FBN2: variants seen among roughly 807,000 people sequenced by gnomAD.
FBN2 encodes fibrillin-2.
A neutral mutation model predicts 355.6 loss-of-function variants in FBN2; 105 were observed. That is an observed-to-expected ratio of 0.30 (90% confidence interval 0.25 to 0.35). FBN2 has a LOEUF of 0.35. Among genes scored for constraint, FBN2 ranks in the 10% least tolerant of loss-of-function variants. The pLI is 1.00. For missense variants in FBN2, 3,280 were observed against 3,758.7 expected, an observed-to-expected ratio of 0.87 and a Z score of 3.33; for synonymous variants, 1,350 against 1,301.2, an observed-to-expected ratio of 1.04 and a Z score of -0.81.
In FBN2 at chr5:128,537,298, TC is replaced by T. The variant is rs1006241543; in HGVS notation, c.254+51del. The T allele has an allele frequency of 8.1e-6, 13 of 1,601,712 alleles. No homozygotes were observed. In the Admixed American group the frequency reaches 1.0e-4, roughly 12 times the overall value. Reference sequence around the variant, plus strand: ...GCCAGAAAGCCGCCAAACTGAGGATTCCCCCCTCCCCCAAGCCGGAGCCCTA... The same window carrying T: ...GCCAGAAAGCCGCCAAACTGAGGATTCCCCCTCCCCCAAGCCGGAGCCCTA... On this transcript the variant is annotated intron_variant, in intron 1 of 64. Coordinates refer to ENST00000262464, the MANE Select transcript of FBN2 (RefSeq NM_001999.4).
chr5:128,296,131 G>A (rs1749502213), intron 48 of FBN2, among the ~76,000 whole-genome samples: 1 of 152,122 alleles, frequency 6.6e-6, no homozygotes, highest in Non-Finnish European at 1.5e-5. Flanking sequence ...TTATATGCTG[G>A]ATTACATTTG....
chr5:128,518,840 C>G (rs1756355285), intron 5 of FBN2, among the ~76,000 whole-genome samples: 2 of 152,142 alleles, frequency 1.3e-5, no homozygotes, highest in African/African-American at 4.8e-5. Flanking sequence ...GGCCCACTAG[C>G]TCGAGACTTT....
In FBN2 at chr5:128,309,274, AAGGTTTGTTCC is replaced by A. The variant is rs1237402656; in HGVS notation, c.5315_5325del (p.Trp1772LeufsTer2). The A allele has an allele frequency of 6.2e-7, 1 of 1,614,120 alleles. No homozygotes were observed. The highest frequency in any genetic ancestry group is 1.1e-5 in the South Asian group (1 of 91,086). On this transcript the variant is annotated frameshift_variant, in exon 41 of 65. Coordinates refer to ENST00000262464, the MANE Select transcript of FBN2 (RefSeq NM_001999.4). LOFTEE classifies it high-confidence loss of function. ...GTTCCTGGAGTTGGGCATGGTTCAC[AAGGTTTGTTCC>A]AGGCTTTGCCCACATTATATGTGCA... is the stretch of plus-strand genomic sequence containing the variant.
At chr5:128,345,669 G>T in intron 23 of FBN2, 85 bp from the exon 24 acceptor site, 1 of 1,223,474 alleles carries the variant, frequency 8.2e-7, no homozygotes, top group Non-Finnish European at 1.2e-6. Context: ...TCAGCACCAG[G>T]CATCATGCAG....
At chr5:128,398,890 T>G (rs1366045357) in intron 8 of FBN2, among the ~76,000 whole-genome samples, 3 of 152,232 alleles carry the variant, frequency 2.0e-5, no homozygotes, top group Non-Finnish European at 4.4e-5. Flanking sequence ...AGCTCTTCTC[T>G]GGTCTGCCAC....
At chr5:128,316,810 G>C (rs1012432819) in intron 36 of FBN2, among the ~76,000 whole-genome samples, 1 of 152,036 alleles carries the variant, frequency 6.6e-6, no homozygotes, top group African/African-American at 2.4e-5. Context: ...TCTCTTTTAT[G>C]AGCTGCCTGT....
intron 53 of FBN2, 84 bp from the exon 54 acceptor site, chr5:128,287,514 G>A (rs1749189104): frequency 1.4e-5 from 21 of 1,476,294 alleles, no homozygotes; most frequent in South Asian, 5.7e-5. Flanking sequence ...TTTACTTGGC[G>A]GTCATACACA....
chr5:128,312,166 A>G (rs1750074649), intron 37 of FBN2, among the ~76,000 whole-genome samples: 1 of 152,180 alleles, frequency 6.6e-6, no homozygotes, highest in African/African-American at 2.4e-5. Context: ...AACACGAACC[A>G]TTTGTTTTTA....
chr5:128,416,876 A>G (rs1049883657), intron 7 of FBN2, among the ~76,000 whole-genome samples: 1 of 152,052 alleles, frequency 6.6e-6, no homozygotes, highest in African/African-American at 2.4e-5. Context: ...TGTTTTTTCT[A>G]ATTCTGTGAA....
intron 61 of FBN2, among the ~76,000 whole-genome samples, chr5:128,273,231 G>A (rs1765308802): frequency 6.6e-6 from 1 of 152,118 alleles, no homozygotes; most frequent in Non-Finnish European, 1.5e-5. Context: ...AATATAAATA[G>A]TGAAGAACTA....
At chr5:128,290,265 GA>G (rs1417322322) in intron 50 of FBN2, among the ~76,000 whole-genome samples, 2 of 152,054 alleles carry the variant, frequency 1.3e-5, no homozygotes, top group Non-Finnish European at 2.9e-5. Flanking sequence ...AGTTTGCTGG[GA>G]ATTATCCTAT....
intron 6 of FBN2, among the ~76,000 whole-genome samples, chr5:128,455,666 A>G (rs574522595): frequency 1.7e-4 from 26 of 152,094 alleles, no homozygotes; most frequent in Admixed American, 1.6e-3. Context: ...AAGGATGAGT[A>G]GTGTGGTGCC....
At chr5:128,282,963 C>T (rs1561746683) in intron 55 of FBN2, among the ~76,000 whole-genome samples, 2 of 152,212 alleles carry the variant, frequency 1.3e-5, no homozygotes, top group Non-Finnish European at 2.9e-5. Flanking sequence ...AACAATCCTA[C>T]TATACTTCTT....
chr5:128,369,984 G>A (rs1222114878), intron 15 of FBN2, among the ~76,000 whole-genome samples: 6 of 152,058 alleles, frequency 3.9e-5, no homozygotes, highest in Non-Finnish European at 5.9e-5. Context: ...TGGTCATTAC[G>A]TGCATTTTAT....
intron 63 of FBN2, among the ~76,000 whole-genome samples, chr5:128,262,670 A>G (rs1245807916): frequency 6.6e-6 from 1 of 152,246 alleles, no homozygotes; most frequent in Admixed American, 6.5e-5. Context: ...GTGTAGACCA[A>G]GCCTTTTGTT....
chr5:128,376,871 G>A lies in FBN2; in HGVS notation c.1850-18C>T. 1.2e-6 allele frequency: 2 copies of A among 1,612,526 alleles called. No homozygotes were observed. The highest frequency in any genetic ancestry group is 1.7e-6 in the Non-Finnish European group (2 of 1,179,278). On this transcript the variant is annotated intron_variant, in intron 13 of 64. Coordinates refer to ENST00000262464, the MANE Select transcript of FBN2 (RefSeq NM_001999.4). The stretch of plus-strand genomic sequence containing the variant: ...ATCATGATCTGCAGAAGAGGATTGA[G>A]TGACTTTGAACACTGGCCTTGAGGG...
At chr5:128,360,925 G>A (rs1751623782) in intron 19 of FBN2, among the ~76,000 whole-genome samples, 1 of 152,102 alleles carries the variant, frequency 6.6e-6, no homozygotes, top group Non-Finnish European at 1.5e-5. Flanking sequence ...ATTTGAGAAT[G>A]TTATGGGACC....
intron 45 of FBN2, among the ~76,000 whole-genome samples, chr5:128,304,045 T>A (rs1038996250): frequency 3.3e-5 from 5 of 152,184 alleles, no homozygotes; most frequent in African/African-American, 1.2e-4. Context: ...ACTCCAGGTA[T>A]TCCCTGTTGT....
intron 55 of FBN2, among the ~76,000 whole-genome samples, chr5:128,286,327 C>G (rs1326721259): frequency 6.6e-6 from 1 of 152,134 alleles, no homozygotes; most frequent in Admixed American, 6.5e-5. Context: ...TTGACAGATA[C>G]AGCTAAAATC....
Sources: allele counts gnomAD v4.1 joint callset (sites outside exome capture counted in the v4.1 genomes callset), GRCh38; gene constraint gnomAD v4.1.1; transcripts MANE v1.5; gene names NCBI Gene and HGNC (gene_info 2026-07-23, HGNC 2026-07-21).